Variants in MRPL22 observed in about 807,000 individuals in gnomAD.
MRPL22 encodes the protein mitochondrial ribosomal protein L22.
In MRPL22, 27 loss-of-function variants were observed where a neutral mutation model predicts 32.4. That is an observed-to-expected ratio of 0.83 (90% CI 0.61 to 1.15). The LOEUF (loss-of-function observed/expected upper bound fraction) is 1.15, where lower values mean the gene tolerates loss of function less well. MRPL22 is among the 50% of genes most tolerant of loss of function. The probability of loss-of-function intolerance (pLI) is 0.00; values close to 1 mark genes in which losing one functional copy is unlikely to be tolerated. For missense variants in MRPL22, 239 were observed against 260.2 expected (o/e 0.92, Z 0.56); for synonymous variants, 86 against 87.3 (o/e 0.99, Z 0.08).
intron 3 of MRPL22, among the ~76,000 whole-genome samples, chr5:154,952,015 T>G (rs1396946714): frequency 1.3e-5 from 2 of 151,880 alleles, no homozygotes; most frequent in Non-Finnish European, 2.9e-5. Flanking sequence ...CCCGACTAGC[T>G]GGGACTACAG....
Position 154,967,115 on chromosome 5 carries a change from A to G in MRPL22, c.*218A>G, listed in dbSNP as rs970684912. 6.1e-5 allele frequency: 35 copies of G among 575,124 alleles called. No homozygotes were observed. Among genetic ancestry groups the G allele is most frequent in the African/African-American group, 6.0e-4 (32 of 53,378 alleles). The allele number at this position is 575,124 out of a possible 1,614,324, so 35.6% of individuals were successfully genotyped here. A position where few individuals can be genotyped will look rare whatever the true frequency, so the allele number is the denominator to read the frequency against. On this transcript the variant is annotated 3_prime_UTR_variant, in exon 7 of 7. Transcript: ENST00000523037. The surrounding 1 kb of genome is among the most constrained non-coding windows in gnomAD (Gnocchi z 4.7). Reference sequence around the variant, plus strand: ...CGACTTGGAAGGGGAAATCAGCTTTAAACATAGTAACAGACTATATTTCAA... The same window carrying G: ...CGACTTGGAAGGGGAAATCAGCTTTGAACATAGTAACAGACTATATTTCAA...
chr5:154,967,525 GTGCTTTATAT>G lies in MRPL22; in HGVS notation c.*631_*640del, dbSNP rs1582697674. On this transcript the variant is annotated 3_prime_UTR_variant, in exon 7 of 7. Coordinates refer to ENST00000523037, the MANE Select transcript of MRPL22 (RefSeq NM_014180.4). The surrounding 1 kb of genome is among the most constrained non-coding windows in gnomAD (Gnocchi z 4.7). ...CCTGTTTTTATTTCTTCTTCCAACA[GTGCTTTATAT>G]TGTTTGGATATCTTGTTTAGGATTG... The G allele has an allele frequency of 3.3e-5, 5 of 152,366 alleles. No homozygotes were observed. The East Asian group carries it at 9.6e-4, about 29-fold the overall frequency. The allele number at this position is 152,366 out of a possible 1,614,324, so 9.4% of individuals were successfully genotyped here. A position where few individuals can be genotyped will look rare whatever the true frequency, so the allele number is the denominator to read the frequency against.
intron 5 of MRPL22, 109 bp downstream of exon 5, chr5:154,957,321 T>C (rs1190628435): frequency 1.2e-6 from 1 of 826,928 alleles, no homozygotes; most frequent in East Asian, 2.5e-5. Context: ...AATTTTCTGT[T>C]GTAAATGCAT....
Position 154,946,581 on chromosome 5 carries a change from A to G in MRPL22, c.78-4240A>G, listed in dbSNP as rs1016463058. Among the ~76,000 whole-genome samples the G allele has an allele frequency of 3.3e-5, 5 of 151,886 alleles. 1 individual carries two copies. The highest frequency in any genetic ancestry group is 3.3e-4 in the Admixed American group (5 of 15,262). On this transcript the variant is annotated intron_variant, in intron 2 of 6. Coordinates refer to ENST00000523037, the MANE Select transcript of MRPL22 (RefSeq NM_014180.4). ...GTAATCCTAGCACTTTGGGAGGCTGAGATGGGTGGATCACCTGAGGTCAGG... is the reference window on the plus strand; with the variant it reads ...GTAATCCTAGCACTTTGGGAGGCTGGGATGGGTGGATCACCTGAGGTCAGG...
chr5:154,956,714 T>G lies in MRPL22; in HGVS notation c.261+278T>G, dbSNP rs868010235. The stretch of plus-strand genomic sequence containing the variant: ...AATCCAGGAAACCCACCTATTTATC[T>G]GTAAACTTGATTCAACCTGTTTTAA... On this transcript the variant is annotated intron_variant, in intron 4 of 6. Coordinates refer to ENST00000523037, the MANE Select transcript of MRPL22 (RefSeq NM_014180.4). 19 of 388,342 alleles carry G rather than the reference T, an allele frequency of 4.9e-5. 1 individual carries two copies. Among genetic ancestry groups the G allele is most frequent in the Middle Eastern group, 7.1e-4 (1 of 1,416 alleles). The allele number at this position is 388,342 out of a possible 1,614,324, so 24.1% of individuals were successfully genotyped here.
intron 4 of MRPL22, 78 bp downstream of exon 4, chr5:154,956,514 C>T: frequency 2.2e-6 from 2 of 908,342 alleles, no homozygotes; most frequent in South Asian, 1.5e-5. Flanking sequence ...CCCCTCACCC[C>T]AGGATTTGAA....
chr5:154,966,901 G>C lies in MRPL22; in HGVS notation c.*4G>C. ...GACCATCGTTCACACTCTATGATGA[G>C]GAGATTCAGACTCCACAGTGTATAT... On this transcript the variant is annotated 3_prime_UTR_variant, in exon 7 of 7. Transcript: ENST00000523037. 5.0e-6 allele frequency: 8 copies of C among 1,607,968 alleles called. No individual in the cohort carries two copies. Among genetic ancestry groups the C allele is most frequent in the Non-Finnish European group, 6.8e-6 (8 of 1,176,752 alleles).
chr5:154,947,764 G>A (rs2113533415), intron 2 of MRPL22, among the ~76,000 whole-genome samples: 1 of 152,258 alleles, frequency 6.6e-6, no homozygotes, highest in South Asian at 2.1e-4. Flanking sequence ...ACTTACGATA[G>A]TACAGTGGTC....
In MRPL22 at chr5:154,966,793, G is replaced by A. The variant is rs745843019; in HGVS notation, c.517G>A (p.Val173Met). The A allele has an allele frequency of 1.9e-6, 3 of 1,614,190 alleles. No individual in the cohort carries two copies. Among genetic ancestry groups the A allele is most frequent in the Non-Finnish European group, 2.5e-6 (3 of 1,180,044 alleles). The change falls in exon 7 of 7, where the codon GTG becomes ATG. Residue 173 changes from valine to methionine, a missense_variant. Coordinates refer to ENST00000523037, the MANE Select transcript of MRPL22 (RefSeq NM_014180.4). ...TTATTGCCATTATTTTGTGAAGTTG[G>A]TGGAAGGGCCCCCACCTCCACCTGA... ...KVYCHYFVKL[V>M]EGPPPPPEPP...
chr5:154,961,124 C>A (rs1409814137), intron 6 of MRPL22, among the ~76,000 whole-genome samples: 1 of 152,154 alleles, frequency 6.6e-6, no homozygotes. Context: ...ACTCACCTGG[C>A]ATTGATGTTG....
At chr5:154,944,054 T>A (rs567507654) in intron 2 of MRPL22, among the ~76,000 whole-genome samples, 1 of 152,310 alleles carries the variant, frequency 6.6e-6, no homozygotes, top group Non-Finnish European at 1.5e-5. Context: ...GTTACACAGT[T>A]AAATGTCAAA....
rs1271459392 is a variant in MRPL22 at position 154,968,760 on chromosome 5, A to G, written c.*1863A>G. On this transcript the variant is annotated 3_prime_UTR_variant, in exon 7 of 7. Transcript: ENST00000523037. The stretch of plus-strand genomic sequence containing the variant: ...TGGTGCCATGGACATCATAAATATA[A>G]ATTATGTAAGTGAAGGCACTGCTTC... The G allele has an allele frequency of 1.3e-5, 2 of 152,134 alleles. No homozygotes were observed. The highest frequency in any genetic ancestry group is 4.8e-5 in the African/African-American group (2 of 41,388). 9.4% of individuals were successfully genotyped at this position (152,134 alleles called of 1,614,324 possible).
intron 2 of MRPL22, among the ~76,000 whole-genome samples, chr5:154,941,872 A>G (rs1253510504): frequency 6.6e-6 from 1 of 152,198 alleles, no homozygotes; most frequent in Non-Finnish European, 1.5e-5. Context: ...TTTCTCCCCA[A>G]AATAAAAAAT....
intron 4 of MRPL22, 99 bp downstream of exon 4, chr5:154,956,535 G>T (rs1764633404): frequency 1.4e-6 from 1 of 739,658 alleles, no homozygotes. Flanking sequence ...AAATAAAAAA[G>T]ATTTGTGAGG....
chr5:154,949,382 A>G (rs1157355657), intron 2 of MRPL22, among the ~76,000 whole-genome samples: 3 of 152,196 alleles, frequency 2.0e-5, no homozygotes, highest in South Asian at 4.1e-4. Context: ...GCTTATTTCA[A>G]TAGACGTTTT....
chr5:154,967,069 G>A lies in MRPL22; in HGVS notation c.*172G>A, dbSNP rs2113017344. On this transcript the variant is annotated 3_prime_UTR_variant, in exon 7 of 7. Coordinates refer to ENST00000523037, the MANE Select transcript of MRPL22 (RefSeq NM_014180.4). The surrounding 1 kb of genome is among the most constrained non-coding windows in gnomAD (Gnocchi z 4.7). The stretch of plus-strand genomic sequence containing the variant: ...CTTTGCCCATTTCTTTTGAGCCTCT[G>A]GGCATATTTGTATGCATTTGCGACT... 1 of 768,544 alleles carries A rather than the reference G, an allele frequency of 1.3e-6. No individual in the cohort carries two copies. The highest frequency in any genetic ancestry group is 2.0e-6 in the Non-Finnish European group (1 of 497,460). 47.6% of individuals were successfully genotyped at this position (768,544 alleles called of 1,614,324 possible).
In MRPL22 at chr5:154,967,952, G is replaced by T. The variant is rs1764790674; in HGVS notation, c.*1055G>T. 1.3e-5 allele frequency: 2 copies of T among 152,054 alleles called. No homozygotes were observed. The highest frequency in any genetic ancestry group is 4.1e-4 in the South Asian group (2 of 4,834). The allele number at this position is 152,054 out of a possible 1,614,324, so 9.4% of individuals were successfully genotyped here. A position where few individuals can be genotyped will look rare whatever the true frequency, so the allele number is the denominator to read the frequency against. ...TTTGAGAATACGGCTTTAGGAGAATGAAAAAATGTAGTTTTATTGCCATGT... is the reference window on the plus strand; with the variant it reads ...TTTGAGAATACGGCTTTAGGAGAATTAAAAAATGTAGTTTTATTGCCATGT... On this transcript the variant is annotated 3_prime_UTR_variant, in exon 7 of 7. Transcript: ENST00000523037. This position sits in a 1 kb window ranked among gnomAD's most constrained non-coding sequence, Gnocchi z 4.7.
intron 2 of MRPL22, among the ~76,000 whole-genome samples, chr5:154,944,086 T>G (rs1764456858): frequency 6.6e-6 from 1 of 152,130 alleles, no homozygotes; most frequent in Non-Finnish European, 1.5e-5. Flanking sequence ...AACAAAATAT[T>G]TTCTGGGACT....
intron 6 of MRPL22, among the ~76,000 whole-genome samples, chr5:154,962,882 T>C (rs970263588): frequency 6.6e-6 from 1 of 152,202 alleles, no homozygotes; most frequent in African/African-American, 2.4e-5. Context: ...ATTTCAAGAT[T>C]TGTATTTACC....
Sources: gnomAD v4.1 joint callset for allele counts (sites outside exome capture counted in the v4.1 genomes callset) on GRCh38, gnomAD v4.1.1 for gene constraint, Gnocchi (gnomAD v3.1) non-coding constraint, MANE v1.5 for transcripts, NCBI Gene and HGNC (gene_info 2026-07-23, HGNC 2026-07-21) for gene names.